The following SETD4 variants were observed in gnomAD, a reference collection of about 807,000 sequenced individuals.
SETD4 encodes the protein SET domain containing 4.
A neutral mutation model predicts 58.3 loss-of-function variants in SETD4; 46 were observed. The observed-to-expected ratio is 0.79, with a 90% confidence interval of 0.62 to 1.01. SETD4 has a LOEUF of 1.01. Ranked by LOEUF, SETD4 falls within the 50% of genes least tolerant of loss-of-function variation. The pLI is 0.00. For missense variants in SETD4, 490 were observed against 523.3 expected (o/e 0.94, Z 0.62); for synonymous variants, 190 against 202.6 (o/e 0.94, Z 0.53).
At chr21:36,036,837 C>T (rs2063803517) in intron 10 of SETD4, among the ~76,000 whole-genome samples, 1 of 152,214 alleles carries the variant, frequency 6.6e-6, no homozygotes, top group African/African-American at 2.4e-5. Flanking sequence ...CAGTGAAGTA[C>T]ATTCAGCCTT....
chr21:36,053,730 G>T, intron 3 of SETD4, 110 bp from the exon 4 acceptor site: 1 of 1,060,350 alleles, frequency 9.4e-7, no homozygotes, highest in Non-Finnish European at 1.4e-6. Flanking sequence ...CAAGGCTGAA[G>T]CTGGATGTCT....
intron 4 of SETD4, chr21:36,050,708 AG>A: frequency 6.2e-7 from 1 of 1,611,488 alleles, no homozygotes; most frequent in Non-Finnish European, 8.5e-7. Context: ...GGGGTCATAG[AG>A]GTAAAGCTGT....
intron 1 of SETD4, 199 bp downstream of exon 1, chr21:36,060,148 C>T (rs953362835): frequency 8.7e-5 from 86 of 984,758 alleles, no homozygotes; most frequent in Non-Finnish European, 1.0e-4. Context: ...CGCGCCGGAG[C>T]AACATGCGCT....
At chr21:36,044,113 T>C (rs2064191675) in intron 6 of SETD4, among the ~76,000 whole-genome samples, 157 bp from the exon 7 acceptor site, 1 of 152,204 alleles carries the variant, frequency 6.6e-6, no homozygotes, top group Non-Finnish European at 1.5e-5. Context: ...TCCGGTTTCA[T>C]CCACCTCGAC....
chr21:36,056,725 C>T (rs900904463), intron 3 of SETD4, among the ~76,000 whole-genome samples: 2 of 152,016 alleles, frequency 1.3e-5, no homozygotes, highest in African/African-American at 2.4e-5. Flanking sequence ...GCCTGGCTAA[C>T]TTTTGTACTT....
chr21:36,051,085 C>T, intron 4 of SETD4: 1 of 1,424,486 alleles, frequency 7.0e-7, no homozygotes, highest in Non-Finnish European at 9.9e-7. Context: ...TTTCATAAGG[C>T]TTGTAATCTA....
intron 3 of SETD4, among the ~76,000 whole-genome samples, chr21:36,055,053 C>T (rs1316965898): frequency 1.3e-5 from 2 of 152,232 alleles, no homozygotes; most frequent in African/African-American, 2.4e-5. Flanking sequence ...CTAGTGTTAA[C>T]TTATTTCATT....
intron 9 of SETD4, 22 bp downstream of exon 9, chr21:36,040,553 G>T (rs1328949180): frequency 1.2e-6 from 2 of 1,602,926 alleles, no homozygotes; most frequent in African/African-American, 1.3e-5. Flanking sequence ...TACAGCTTAA[G>T]ACCAACACAT....
At chr21:36,038,093 A>G in intron 10 of SETD4, 57 bp downstream of exon 10, 1 of 1,571,512 alleles carries the variant, frequency 6.4e-7, no homozygotes, top group African/African-American at 1.4e-5. Flanking sequence ...CATGTACAAA[A>G]CAAGGAACTG....
At chr21:36,040,869 G>A (rs1010069608) in intron 8 of SETD4, among the ~76,000 whole-genome samples, 15 of 152,010 alleles carry the variant, frequency 9.9e-5, no homozygotes, top group African/African-American at 3.6e-4. Flanking sequence ...TTTCTAAAGA[G>A]TAAACAGCTG....
chr21:36,046,024 A>C lies in SETD4; in HGVS notation c.297-13T>G, dbSNP rs1423139545. 6.2e-7 allele frequency: 1 copy of C among 1,602,488 alleles called. No individual in the cohort carries two copies. Among genetic ancestry groups the C allele is most frequent in the Admixed American group, 1.7e-5 (1 of 57,642 alleles). ...AGGAGGCTTCCACCTTTGAAAATTA[A>C]AAGCCAGTTTAAAGGAATTACTTTG... On this transcript the variant is annotated splice_polypyrimidine_tract_variant and intron_variant, in intron 5 of 11. Transcript: ENST00000332131.
chr21:36,040,451 G>A, intron 9 of SETD4, 124 bp downstream of exon 9: 1 of 745,444 alleles, frequency 1.3e-6, no homozygotes, highest in Non-Finnish European at 2.4e-6. Flanking sequence ...CAACTCCAAT[G>A]TATGACATCC....
intron 4 of SETD4, 136 bp from the exon 5 acceptor site, chr21:36,048,532 CT>C: frequency 1.3e-6 from 1 of 747,208 alleles, no homozygotes; most frequent in Non-Finnish European, 2.3e-6. Flanking sequence ...ACCAATGAGC[CT>C]ACCAATGGAG....
intron 1 of SETD4, chr21:36,059,232 C>A (rs896784149): frequency 7.2e-5 from 12 of 165,530 alleles, no homozygotes; most frequent in Admixed American, 4.5e-4. Context: ...AATAGCTAGG[C>A]GTGGTGGCAC....
chr21:36,049,547 T>C (rs2064534906), intron 4 of SETD4, among the ~76,000 whole-genome samples: 1 of 151,984 alleles, frequency 6.6e-6, no homozygotes, highest in Non-Finnish European at 1.5e-5. Context: ...AGAACGTGAC[T>C]CCGTCTCAAA....
intron 5 of SETD4, among the ~76,000 whole-genome samples, chr21:36,047,123 C>G (rs568695481): frequency 6.6e-6 from 1 of 152,074 alleles, no homozygotes; most frequent in Non-Finnish European, 1.5e-5. Flanking sequence ...GGCATGGTGG[C>G]GCACACCTGT....
chr21:36,042,573 T>C (rs1017662990), intron 7 of SETD4: 1 of 152,180 alleles, frequency 6.6e-6, no homozygotes, highest in East Asian at 1.9e-4. Context: ...ATCACATTAT[T>C]ATTCTGCCTA....
chr21:36,051,373 A>T, intron 4 of SETD4: 1 of 1,518,310 alleles, frequency 6.6e-7, no homozygotes, highest in African/African-American at 1.4e-5. Flanking sequence ...CTACTGGTGG[A>T]CTGACTCCAC....
Position 36,034,975 on chromosome 21 carries a change from C to T in SETD4, c.*1018G>A, listed in dbSNP as rs2063733658. 1 of 152,198 alleles carries T rather than the reference C, an allele frequency of 6.6e-6. No homozygotes were observed. The highest frequency in any genetic ancestry group is 2.4e-5 in the African/African-American group (1 of 41,446). 9.4% of individuals were successfully genotyped at this position (152,198 alleles called of 1,614,324 possible). A position where few individuals can be genotyped will look rare whatever the true frequency, so the allele number is the denominator to read the frequency against. ...AATCATGAGAAAGTTTTATTTTAAA[C>T]TCTGCCTGCCTCCTGAGGCCAGCAG... On this transcript the variant is annotated 3_prime_UTR_variant, in exon 12 of 12. Transcript: ENST00000332131.
Sources: allele counts gnomAD v4.1 joint callset (sites outside exome capture counted in the v4.1 genomes callset), GRCh38; gene constraint gnomAD v4.1.1; transcripts MANE v1.5; gene names NCBI Gene and HGNC (gene_info 2026-07-23, HGNC 2026-07-21).